Variants in CCPG1 observed in about 807,000 individuals in gnomAD.
CCPG1 encodes the protein cell cycle progression 1, also known as cell cycle progression protein 1.
A neutral mutation model predicts 81.3 loss-of-function variants in CCPG1; 46 were observed. The ratio of observed to expected loss-of-function variants is 0.57; its 90% CI spans 0.45 to 0.72. The LOEUF is 0.72. CCPG1 is among the 30% of genes least tolerant of loss of function. The pLI is 0.00. For missense variants in CCPG1, 902 were observed against 937.6 expected, an observed-to-expected ratio of 0.96 and a Z score of 0.50; for synonymous variants, 330 against 305.2, an observed-to-expected ratio of 1.08 and a Z score of -0.85.
At chr15:55,386,162 G>A (rs1311289386) in intron 2 of CCPG1, among the ~76,000 whole-genome samples, 5 of 148,862 alleles carry the variant, frequency 3.4e-5, no homozygotes, top group East Asian at 2.0e-4. Flanking sequence ...GGCTGAGGCC[G>A]GTGGATCACA....
At chr15:55,368,623 C>A (rs1396603385) in intron 6 of CCPG1, among the ~76,000 whole-genome samples, 1 of 152,230 alleles carries the variant, frequency 6.6e-6, no homozygotes, top group East Asian at 1.9e-4. Flanking sequence ...ATAAGAAAGA[C>A]TGCTTTCTCA....
At chr15:55,401,402 C>G (rs555212080) in intron 1 of CCPG1, among the ~76,000 whole-genome samples, 1 of 152,334 alleles carries the variant, frequency 6.6e-6, no homozygotes, top group East Asian at 1.9e-4. Flanking sequence ...CGCAGTGGCT[C>G]ATGCCTATAA....
intron 1 of CCPG1, among the ~76,000 whole-genome samples, chr15:55,405,090 G>T (rs1240437430): frequency 6.6e-6 from 1 of 152,132 alleles, no homozygotes; most frequent in Non-Finnish European, 1.5e-5. Context: ...GTCAGGGGCA[G>T]TGGGTCACGT....
intron 3 of CCPG1, among the ~76,000 whole-genome samples, chr15:55,380,934 A>G (rs2056676733): frequency 6.6e-6 from 1 of 151,550 alleles, no homozygotes; most frequent in East Asian, 2.0e-4. Context: ...TCAGGAGATC[A>G]AGACCATCCT....
chr15:55,356,399 T>C lies in CCPG1; in HGVS notation c.2245A>G (p.Lys749Glu). The change falls in exon 9 of 9, where the codon AAA (lysine) becomes GAA (glutamate). Residue 749 changes from lysine to glutamate, a missense_variant. By Grantham distance (56) the Lys-to-Glu change is moderately conservative (BLOSUM62 1). Coordinates refer to ENST00000442196, the MANE Select transcript of CCPG1 (RefSeq NM_001204450.2). ...SPPYGPSRPD[K>E]KQRMVNIENS... ...TCAATATTTACCATACGTTGCTTTT[T>C]ATCAGGTCGACTGAAAGCAGTAAAC... The C allele has an allele frequency of 1.3e-6, 2 of 1,529,438 alleles. No homozygotes were observed. Among genetic ancestry groups the C allele is most frequent in the South Asian group, 2.4e-5 (2 of 82,372 alleles). 94.7% of individuals were successfully genotyped at this position (1,529,438 alleles called of 1,614,324 possible).
At chr15:55,394,771 G>A (rs2056984307) in intron 1 of CCPG1, among the ~76,000 whole-genome samples, 1 of 151,220 alleles carries the variant, frequency 6.6e-6, no homozygotes, top group Admixed American at 6.6e-5. Flanking sequence ...TCCTTTCTTA[G>A]GAAACAAACC....
intron 1 of CCPG1, among the ~76,000 whole-genome samples, chr15:55,407,355 G>A (rs905115874): frequency 6.6e-5 from 7 of 106,392 alleles, no homozygotes; most frequent in Non-Finnish European, 8.8e-5. Flanking sequence ...CCCCTGAGAC[G>A]TGTGGGACCC....
intron 5 of CCPG1, among the ~76,000 whole-genome samples, chr15:55,374,821 C>T (rs2056528777): frequency 6.6e-6 from 1 of 152,074 alleles, no homozygotes; most frequent in Non-Finnish European, 1.5e-5. Context: ...GGATTACAGG[C>T]ACCTGGCTAA....
chr15:55,363,799 CTTTTTTTTTTTTT>C (rs565044184), intron 7 of CCPG1, among the ~76,000 whole-genome samples: 1 of 93,942 alleles, frequency 1.1e-5, no homozygotes, highest in Non-Finnish European at 2.0e-5. Flanking sequence ...TTTCCTTTTC[CTTTTTTTTTTTTT>C]TTTTTTTTTT....
At chr15:55,375,375 T>C (rs2056543729) in intron 5 of CCPG1, among the ~76,000 whole-genome samples, 1 of 152,082 alleles carries the variant, frequency 6.6e-6, no homozygotes, top group Non-Finnish European at 1.5e-5. Flanking sequence ...ATTCTCTAAT[T>C]AAACCAGAGG....
intron 7 of CCPG1, among the ~76,000 whole-genome samples, chr15:55,361,433 C>T (rs1051366830): frequency 6.6e-6 from 1 of 151,618 alleles, no homozygotes; most frequent in South Asian, 2.1e-4. Flanking sequence ...ATTAGCTGGG[C>T]GCGGTGGCTC....
At chr15:55,374,865 G>A (rs1043643065) in intron 5 of CCPG1, among the ~76,000 whole-genome samples, 8 of 152,082 alleles carry the variant, frequency 5.3e-5, no homozygotes, top group Non-Finnish European at 7.4e-5. Flanking sequence ...GGTTTTTGCC[G>A]TGTTGGTCAG....
Position 55,391,891 on chromosome 15 carries a change from G to GA in CCPG1, c.-9-2459_-9-2458insT, listed in dbSNP as rs959180519. The stretch of plus-strand genomic sequence containing the variant: ...ACTCTTTAAAAAAAAAAAAAAAGGG[G>GA]GGGGGGGGCTAGGTGTGGTAGCTCA... On this transcript the variant is annotated intron_variant, in intron 1 of 8. Coordinates refer to ENST00000442196, the MANE Select transcript of CCPG1 (RefSeq NM_001204450.2). 1.2e-4 allele frequency among the ~76,000 whole-genome samples: 14 copies of GA among 115,224 alleles called. 1 individual carries two copies. The highest frequency in any genetic ancestry group is 2.6e-4 in the Non-Finnish European group (13 of 49,500). The allele number at this position is 115,224 out of a possible 152,430, so 75.6% of individuals were successfully genotyped here.
intron 3 of CCPG1, among the ~76,000 whole-genome samples, chr15:55,380,771 T>C (rs2056672375): frequency 1.3e-5 from 2 of 151,738 alleles, no homozygotes; most frequent in Admixed American, 1.3e-4. Flanking sequence ...TCCCAGCACT[T>C]TGAGCGGCTG....
At chr15:55,373,469 TACA>T (rs1406053427) in intron 5 of CCPG1, among the ~76,000 whole-genome samples, 1 of 152,294 alleles carries the variant, frequency 6.6e-6, no homozygotes, top group South Asian at 2.1e-4. Context: ...CTTTCACACT[TACA>T]ACAATAAACA....
intron 6 of CCPG1, 128 bp from the exon 7 acceptor site, chr15:55,365,437 T>TTTTTTG (rs2056306366): frequency 1.6e-6 from 1 of 622,466 alleles, no homozygotes; most frequent in African/African-American, 2.0e-5. Flanking sequence ...TTTTTGTTTT[T>TTTTTTG]TTTTTGTTTT....
intron 7 of CCPG1, among the ~76,000 whole-genome samples, chr15:55,362,510 T>C (rs1195579384): frequency 6.6e-6 from 1 of 152,160 alleles, no homozygotes; most frequent in African/African-American, 2.4e-5. Flanking sequence ...AGAAAAGAAA[T>C]TTCTTCTACC....
At chr15:55,394,665 C>A (rs1308748874) in intron 1 of CCPG1, among the ~76,000 whole-genome samples, 1 of 152,056 alleles carries the variant, frequency 6.6e-6, no homozygotes, top group African/African-American at 2.4e-5. Context: ...AGCCAATTAT[C>A]CCACAGAACT....
At chr15:55,384,262 T>C (rs746771420) in intron 3 of CCPG1, among the ~76,000 whole-genome samples, 3 of 152,188 alleles carry the variant, frequency 2.0e-5, no homozygotes, top group Non-Finnish European at 2.9e-5. Flanking sequence ...CTGTCTTTCA[T>C]AGGCACGGTT....
Sources: gnomAD v4.1 joint callset for allele counts (sites outside exome capture counted in the v4.1 genomes callset) on GRCh38, gnomAD v4.1.1 for gene constraint, MANE v1.5 for transcripts, NCBI Gene and HGNC (gene_info 2026-07-23, HGNC 2026-07-21) for gene names.